The following CAMTA1 variants were observed in gnomAD, a reference collection of about 807,000 sequenced individuals.
CAMTA1 encodes the protein calmodulin-binding transcription activator 1.
CAMTA1 carries 27 observed loss-of-function variants against 170.9 expected under a neutral mutation model. That is an observed-to-expected ratio of 0.16 (90% CI 0.12 to 0.22). The LOEUF (loss-of-function observed/expected upper bound fraction) is 0.22. Among genes scored for constraint, CAMTA1 ranks in the 10% least tolerant of loss-of-function variants. The pLI, the probability that CAMTA1 is intolerant of heterozygous loss-of-function variation, is 1.00. For synonymous variants in CAMTA1, 833 were observed against 891.5 expected, an observed-to-expected ratio of 0.93 and a Z score of 1.17; for missense variants, 1,619 against 2,217.2, an observed-to-expected ratio of 0.73 and a Z score of 5.42.
At chr1:7,594,055 AAGAG>A (rs1417910236) in intron 6 of CAMTA1, among the ~76,000 whole-genome samples, 2 of 143,190 alleles carry the variant, frequency 1.4e-5, no homozygotes, top group Non-Finnish European at 3.0e-5. Flanking sequence ...AAAAAAGAGA[AAGAG>A]AGAGGGAGGG....
chr1:6,910,122 G>T (rs1679383345), intron 3 of CAMTA1, among the ~76,000 whole-genome samples: 2 of 152,234 alleles, frequency 1.3e-5, no homozygotes, highest in African/African-American at 4.8e-5. Context: ...CAAGCCACTT[G>T]CTGTCCTCTT....
chr1:7,580,799 G>C lies in CAMTA1; in HGVS notation c.511-59601G>C, dbSNP rs2095254037. ...GTTTGGTTATCTCCTCCCCAACCAAGATCTCCTCCAACCCGTGCCCATCAC... is the reference window on the plus strand; with the variant it reads ...GTTTGGTTATCTCCTCCCCAACCAACATCTCCTCCAACCCGTGCCCATCAC... On this transcript the variant is annotated intron_variant, in intron 6 of 22. Transcript: ENST00000303635. The surrounding 1 kb of genome is among the most constrained non-coding windows in gnomAD (Gnocchi z 4.3). 6.6e-6 allele frequency among the ~76,000 whole-genome samples: 1 copy of C among 152,170 alleles called. No individual in the cohort carries two copies. The highest frequency in any genetic ancestry group is 2.4e-5 in the African/African-American group (1 of 41,448).
chr1:6,977,442 G>T (rs1572168884), intron 3 of CAMTA1, among the ~76,000 whole-genome samples: 1 of 152,010 alleles, frequency 6.6e-6, no homozygotes, highest in Non-Finnish European at 1.5e-5. Context: ...CCAGGTTCAA[G>T]AAATTCTCCA....
chr1:6,796,582 C>T (rs1381152414), intron 1 of CAMTA1, among the ~76,000 whole-genome samples: 1 of 151,960 alleles, frequency 6.6e-6, no homozygotes, highest in East Asian at 1.9e-4. Context: ...CATTTTCTTG[C>T]CTTTGACATA....
At chr1:7,355,927 C>T (rs1049769993) in intron 5 of CAMTA1, among the ~76,000 whole-genome samples, 1 of 152,252 alleles carries the variant, frequency 6.6e-6, no homozygotes, top group Non-Finnish European at 1.5e-5. Flanking sequence ...TGGATCCACT[C>T]ATGAAAGGAC....
intron 5 of CAMTA1, among the ~76,000 whole-genome samples, chr1:7,363,037 G>T (rs140370667): frequency 6.6e-6 from 1 of 152,212 alleles, no homozygotes; most frequent in African/African-American, 2.4e-5. Context: ...CTTCTAGCTC[G>T]CAGAGGTGCT....
intron 6 of CAMTA1, among the ~76,000 whole-genome samples, chr1:7,566,254 C>T (rs1557927510): frequency 1.3e-5 from 2 of 152,190 alleles, no homozygotes; most frequent in East Asian, 1.9e-4. Flanking sequence ...CTCTCTAGAC[C>T]TTTCTTTCCA....
intron 6 of CAMTA1, among the ~76,000 whole-genome samples, chr1:7,516,762 A>C (rs552007497): frequency 6.6e-6 from 1 of 152,278 alleles, no homozygotes; most frequent in South Asian, 2.1e-4. Context: ...CACAGGCCAG[A>C]AGAAGGGGCT....
At chr1:7,276,303 A>ATAATTTTTTTTTTTTTTTTTT in intron 5 of CAMTA1, among the ~76,000 whole-genome samples, 1 of 24,228 alleles carries the variant, frequency 4.1e-5, no homozygotes, top group African/African-American at 3.0e-4. Context: ...ATATATATAT[A>ATAATTTTTTTTTTTTTTTTTT]TTTTTTTTTT....
chr1:6,834,259 T>G (rs889956977), intron 3 of CAMTA1: 5 of 151,420 alleles, frequency 3.3e-5, no homozygotes, highest in African/African-American at 9.7e-5. Context: ...TATTTTTTAA[T>G]TTTTATTTTA....
rs571251034 is a variant in CAMTA1 at position 7,503,902 on chromosome 1, G to A, written c.510+36001G>A. ...GCTGCCCCGCACTTGTGTCCCAGGG[G>A]ACAGAAGCATGGAGGCTGGAGAGGA... On this transcript the variant is annotated intron_variant, in intron 6 of 22. Coordinates refer to ENST00000303635, the MANE Select transcript of CAMTA1 (RefSeq NM_015215.4). 1.6e-4 allele frequency among the ~76,000 whole-genome samples: 24 copies of A among 152,308 alleles called. No homozygotes were observed. In the East Asian group the frequency reaches 3.1e-3, roughly 20 times the overall value.
chr1:6,975,750 T>G (rs773667982), intron 3 of CAMTA1, among the ~76,000 whole-genome samples: 12 of 152,188 alleles, frequency 7.9e-5, no homozygotes, highest in Non-Finnish European at 1.0e-4. Context: ...CAACCAATTT[T>G]AAAACATTTT....
chr1:7,172,192 C>T (rs1649764685), intron 4 of CAMTA1, among the ~76,000 whole-genome samples: 1 of 152,080 alleles, frequency 6.6e-6, no homozygotes, highest in Non-Finnish European at 1.5e-5. Flanking sequence ...CGCTGTTGCC[C>T]AGGCTGGAGT....
rs74786489 is a variant in CAMTA1 at position 6,838,625 on chromosome 1, C to T, written c.234+13415C>T. On this transcript the variant is annotated intron_variant, in intron 3 of 22. Coordinates refer to ENST00000303635, the MANE Select transcript of CAMTA1 (RefSeq NM_015215.4). The stretch of plus-strand genomic sequence containing the variant: ...TGTATCTACAGATATTTCTCTGTGC[C>T]GGTGTGGGCATTTTTTCTATATTTA... Among the ~76,000 whole-genome samples the T allele has an allele frequency of 3.9e-3, 587 of 152,092 alleles. 5 individuals carry two copies. Among genetic ancestry groups the T allele is most frequent in the African/African-American group, 0.013 (544 of 41,436 alleles).
At chr1:7,737,915 G>A (rs2096783678) in intron 15 of CAMTA1, 44 bp from the exon 16 acceptor site, 2 of 1,534,570 alleles carry the variant, frequency 1.3e-6, no homozygotes, top group South Asian at 2.6e-5. Context: ...AGGATTCCTA[G>A]TTGTATCTCC....
At chr1:6,826,027 A>T (rs1371662151) in intron 3 of CAMTA1, among the ~76,000 whole-genome samples, 2 of 152,148 alleles carry the variant, frequency 1.3e-5, no homozygotes, top group African/African-American at 2.4e-5. Context: ...CTCAACATTG[A>T]TGTCCAAGTT....
At chr1:7,373,655 CTT>C (rs1260643338) in intron 5 of CAMTA1, among the ~76,000 whole-genome samples, 15 of 152,328 alleles carry the variant, frequency 9.8e-5, no homozygotes, top group Admixed American at 6.5e-5. Context: ...TGTGGGGAAA[CTT>C]ATAAATTATT....
At chr1:7,454,036 T>A (rs905901204) in intron 5 of CAMTA1, among the ~76,000 whole-genome samples, 4 of 152,144 alleles carry the variant, frequency 2.6e-5, no homozygotes, top group African/African-American at 9.7e-5. Flanking sequence ...TAAAAGGAGG[T>A]CCCTGTGCTC....
In CAMTA1 at chr1:7,658,344, A is replaced by G. The variant is rs146842958; in HGVS notation, c.665-3382A>G. Among the ~76,000 whole-genome samples the G allele has an allele frequency of 5.4e-3, 817 of 152,122 alleles. 8 individuals carry two copies. Among genetic ancestry groups the G allele is most frequent in the African/African-American group, 0.019 (783 of 41,476 alleles). ...GAGCTGCGTGTTCTCCCATCCTAACAGCATGTGAGACAGAGCTGCGTGTTC... is the reference window on the plus strand; with the variant it reads ...GAGCTGCGTGTTCTCCCATCCTAACGGCATGTGAGACAGAGCTGCGTGTTC... On this transcript the variant is annotated intron_variant, in intron 7 of 22. Coordinates refer to ENST00000303635, the MANE Select transcript of CAMTA1 (RefSeq NM_015215.4).
Sources: gnomAD v4.1 joint callset for allele counts (sites outside exome capture counted in the v4.1 genomes callset) on GRCh38, gnomAD v4.1.1 for gene constraint, Gnocchi (gnomAD v3.1) non-coding constraint, MANE v1.5 for transcripts, NCBI Gene and HGNC (gene_info 2026-07-23, HGNC 2026-07-21) for gene names.